The following NCLN variants were observed in gnomAD, a reference collection of about 807,000 sequenced individuals.
The protein encoded by NCLN is BOS complex subunit NCLN.
In NCLN, 34 loss-of-function variants were observed where a neutral mutation model predicts 69.5. That is an observed-to-expected ratio of 0.49 (90% CI 0.37 to 0.65). The LOEUF (loss-of-function observed/expected upper bound fraction) is 0.65. NCLN is among the 30% of genes least tolerant of loss of function. The pLI, the probability that NCLN is intolerant of heterozygous loss-of-function variation, is 0.00. For missense variants in NCLN, 710 were observed against 804.8 expected, an observed-to-expected ratio of 0.88 and a Z score of 1.42; for synonymous variants, 393 against 358.3, an observed-to-expected ratio of 1.10 and a Z score of -1.09.
intron 4 of NCLN, among the ~76,000 whole-genome samples, chr19:3,196,762 A>T (rs976520020): frequency 7.9e-5 from 12 of 152,218 alleles, no homozygotes; most frequent in Non-Finnish European, 1.8e-4. Flanking sequence ...TCGGATCATC[A>T]GGGCAGATCC....
At position 3,204,760 on chromosome 19, in the gene NCLN, G is replaced by A. The variant is rs574064501; in HGVS notation, c.1208+9G>A. The A allele has an allele frequency of 7.0e-4, 1,035 of 1,478,688 alleles. 13 individuals carry two copies. The South Asian group carries it at 0.012, about 18-fold the overall frequency. 91.6% of individuals were successfully genotyped at this position (1,478,688 alleles called of 1,614,324 possible). A position where few individuals can be genotyped will look rare whatever the true frequency, so the allele number is the denominator to read the frequency against. ...AGCATCATGGACGTGCGGTGAGCGC[G>A]GCAGCACCTGCCCGGCCCCTCCTAG... On this transcript the variant is annotated intron_variant, in intron 9 of 14. Coordinates refer to ENST00000246117, the MANE Select transcript of NCLN (RefSeq NM_020170.4).
intron 4 of NCLN, among the ~76,000 whole-genome samples, chr19:3,197,179 G>A (rs1399337067): frequency 1.3e-5 from 2 of 152,222 alleles, no homozygotes; most frequent in Non-Finnish European, 2.9e-5. Context: ...AGTGAGACCC[G>A]GTAGCCTGGC....
intron 1 of NCLN, among the ~76,000 whole-genome samples, chr19:3,188,312 C>G (rs1032041666): frequency 6.6e-6 from 1 of 152,070 alleles, no homozygotes; most frequent in African/African-American, 2.4e-5. Context: ...TACACTGTCC[C>G]TGGGCAGATG....
chr19:3,197,357 ACAG>A (rs564479749), intron 4 of NCLN, among the ~76,000 whole-genome samples: 14 of 152,194 alleles, frequency 9.2e-5, no homozygotes, highest in Non-Finnish European at 1.9e-4. Flanking sequence ...TGTTGCAAAA[ACAG>A]CAAGTAGACT....
At chr19:3,200,477 A>AT (rs1916097973) in intron 5 of NCLN, among the ~76,000 whole-genome samples, 2 of 151,088 alleles carry the variant, frequency 1.3e-5, no homozygotes, top group Non-Finnish European at 2.9e-5. Flanking sequence ...CACCTGGCTC[A>AT]TTTTTTGTAT....
rs1263931597 is a variant in NCLN at position 3,201,617 on chromosome 19, C to T, written c.791C>T (p.Thr264Met). 1.9e-5 allele frequency: 29 copies of T among 1,543,726 alleles called. No individual in the cohort carries two copies. Among genetic ancestry groups the T allele is most frequent in the Admixed American group, 7.6e-5 (4 of 52,356 alleles). The change falls in exon 6 of 15, where the codon ACG (threonine) becomes ATG (methionine). Residue 264 changes from threonine (T) to methionine (M), a missense_variant. Transcript: ENST00000246117. ...LFSRLYTYKR[T>M]HAAYNLLFFA... ...TCCCGGCTCTACACCTACAAGCGCA[C>T]GCACGCCGCGTGAGTGCCGGGGTGG...
intron 1 of NCLN, among the ~76,000 whole-genome samples, chr19:3,188,854 C>G (rs953476213): frequency 6.6e-6 from 1 of 152,242 alleles, no homozygotes; most frequent in African/African-American, 2.4e-5. Flanking sequence ...GAGGCCCAGC[C>G]AGCACACCCC....
rs537661374 is a variant in NCLN at position 3,192,153 on chromosome 19, A to C, written c.185-317A>C. ...CAGTGAGCCGAGATTGTGCTGCTGCACTCCGGCCTGGGCAACAGAGTGAGA... is the reference window on the plus strand; with the variant it reads ...CAGTGAGCCGAGATTGTGCTGCTGCCCTCCGGCCTGGGCAACAGAGTGAGA... On this transcript the variant is annotated intron_variant, in intron 1 of 14. Coordinates refer to ENST00000246117, the MANE Select transcript of NCLN (RefSeq NM_020170.4). Among the ~76,000 whole-genome samples, 3 of 152,234 alleles carry C rather than the reference A, an allele frequency of 2.0e-5. No homozygotes were observed. In the East Asian group the frequency reaches 5.8e-4, roughly 29 times the overall value.
chr19:3,198,747 T>C, intron 4 of NCLN, 70 bp from the exon 5 acceptor site: 1 of 1,305,710 alleles, frequency 7.7e-7, no homozygotes, highest in Non-Finnish European at 1.1e-6. Flanking sequence ...AGGGGAGGGG[T>C]CTCCAAGCCC....
At chr19:3,197,520 C>T (rs1915996863) in intron 4 of NCLN, among the ~76,000 whole-genome samples, 1 of 152,214 alleles carries the variant, frequency 6.6e-6, no homozygotes, top group Non-Finnish European at 1.5e-5. Flanking sequence ...CTGCTAACTG[C>T]AACCTCCGCC....
chr19:3,190,045 G>A (rs909010885), intron 1 of NCLN, among the ~76,000 whole-genome samples: 1 of 152,230 alleles, frequency 6.6e-6, no homozygotes, highest in African/African-American at 2.4e-5. Flanking sequence ...CCCGGAGAAC[G>A]GGGGTGCCTG....
intron 3 of NCLN, 86 bp from the exon 4 acceptor site, chr19:3,196,097 C>T: frequency 1.0e-6 from 1 of 985,162 alleles, no homozygotes; most frequent in Non-Finnish European, 1.5e-6. Context: ...TGCCCGAGCC[C>T]CCAACCTGGG....
intron 12 of NCLN, among the ~76,000 whole-genome samples, chr19:3,206,968 C>A (rs1179659365): frequency 6.6e-6 from 1 of 152,036 alleles, no homozygotes; most frequent in Non-Finnish European, 1.5e-5. Flanking sequence ...ATTACAGGCA[C>A]CCGCCACCAT....
At chr19:3,192,337 C>G in intron 1 of NCLN, 133 bp from the exon 2 acceptor site, 2 of 737,952 alleles carry the variant, frequency 2.7e-6, no homozygotes, top group Non-Finnish European at 4.1e-6. Context: ...GGGAGCTTCT[C>G]GAATCGGTGG....
chr19:3,194,297 C>T (rs535338434), intron 3 of NCLN, among the ~76,000 whole-genome samples: 10 of 152,158 alleles, frequency 6.6e-5, no homozygotes, highest in Non-Finnish European at 1.0e-4. Flanking sequence ...GCAGGAGAAT[C>T]ACTTGAACCC....
At chr19:3,200,342 C>T (rs566566548) in intron 5 of NCLN, among the ~76,000 whole-genome samples, 4 of 126,522 alleles carry the variant, frequency 3.2e-5, no homozygotes, top group Non-Finnish European at 6.3e-5. Context: ...GACGGAGTCT[C>T]GCTCTGTCAC....
At chr19:3,200,312 AT>A (rs34745192) in intron 5 of NCLN, among the ~76,000 whole-genome samples, 131 of 126,884 alleles carry the variant, frequency 1.0e-3, no homozygotes, top group Middle Eastern at 4.2e-3. Flanking sequence ...TTATTTATGT[AT>A]TTTTTTTTTT....
At chr19:3,192,409 T>C in intron 1 of NCLN, 61 bp from the exon 2 acceptor site, 1 of 1,406,888 alleles carries the variant, frequency 7.1e-7, no homozygotes, top group South Asian at 1.3e-5. Context: ...GGCCTGGATC[T>C]GTCCCCTCCC....
chr19:3,189,652 C>T (rs751632609), intron 1 of NCLN, among the ~76,000 whole-genome samples: 8 of 152,364 alleles, frequency 5.3e-5, no homozygotes, highest in East Asian at 1.9e-4. Flanking sequence ...CCCATTCAGA[C>T]GCGGGTCTGA....
Sources: allele counts gnomAD v4.1 joint callset (sites outside exome capture counted in the v4.1 genomes callset), GRCh38; gene constraint gnomAD v4.1.1; transcripts MANE v1.5; gene names NCBI Gene and HGNC (gene_info 2026-07-23, HGNC 2026-07-21).